Variants in SIPA1L1 observed in about 807,000 individuals in gnomAD.
SIPA1L1 encodes signal-induced proliferation-associated 1-like protein 1.
In SIPA1L1, 26 loss-of-function variants were observed where a neutral mutation model predicts 162.7. The observed-to-expected ratio is 0.16, with a 90% CI of 0.12 to 0.22. SIPA1L1 has a LOEUF of 0.22. SIPA1L1 is among the 10% of genes least tolerant of loss of function. SIPA1L1 has a pLI of 1.00. For missense variants in SIPA1L1, 1,874 were observed against 2,241.0 expected (o/e 0.84, Z 3.31); for synonymous variants, 829 against 837.4 (o/e 0.99, Z 0.17).
intron 4 of SIPA1L1, among the ~76,000 whole-genome samples, chr14:71,552,832 T>C (rs927396657): frequency 1.2e-4 from 18 of 152,156 alleles, no homozygotes; most frequent in African/African-American, 3.9e-4. Context: ...CCTAAGGGAC[T>C]GTCTTTTGGA....
intron 4 of SIPA1L1, among the ~76,000 whole-genome samples, chr14:71,566,656 A>G (rs1414602599): frequency 2.0e-5 from 3 of 152,188 alleles, no homozygotes; most frequent in South Asian, 4.1e-4. Context: ...TAGTGGTGGG[A>G]CAGTATGATA....
chr14:71,364,010 C>T (rs2140908536), intron 2 of SIPA1L1, among the ~76,000 whole-genome samples: 1 of 152,252 alleles, frequency 6.6e-6, no homozygotes, highest in East Asian at 1.9e-4. Flanking sequence ...TCTCAGAAAC[C>T]TTTTACGCTG....
At chr14:71,470,773 C>G (rs943079171) in intron 2 of SIPA1L1, among the ~76,000 whole-genome samples, 6 of 152,064 alleles carry the variant, frequency 3.9e-5, no homozygotes, top group Admixed American at 6.6e-5. Context: ...ATTTCTCCTA[C>G]TCTTCTAATT....
chr14:71,529,846 G>A (rs562646602), intron 4 of SIPA1L1, among the ~76,000 whole-genome samples: 2 of 152,346 alleles, frequency 1.3e-5, no homozygotes, highest in African/African-American at 2.4e-5. Flanking sequence ...TGGCTCCAAT[G>A]TGGGTTTGCC....
intron 10 of SIPA1L1, among the ~76,000 whole-genome samples, chr14:71,663,200 C>T (rs2043693506): frequency 6.6e-6 from 1 of 152,130 alleles, no homozygotes; most frequent in African/African-American, 2.4e-5. Flanking sequence ...TTTATTTACT[C>T]AGTATATCTA....
intron 2 of SIPA1L1, among the ~76,000 whole-genome samples, chr14:71,479,336 G>GTATGTATGTATGTAT (rs2048143546): frequency 6.7e-6 from 1 of 148,218 alleles, no homozygotes; most frequent in East Asian, 2.0e-4. Context: ...TGTGTATGTA[G>GTATGTATGTATGTAT]GTATGTATGT....
At position 71,587,863 on chromosome 14, in the gene SIPA1L1, C is replaced by G; in HGVS notation, c.-10C>G. 1 of 1,594,802 alleles carries G rather than the reference C, an allele frequency of 6.3e-7. No individual in the cohort carries two copies. Among genetic ancestry groups the G allele is most frequent in the Non-Finnish European group, 8.6e-7 (1 of 1,164,738 alleles). ...TGCTGCAGGGATTTAAGTCTACTTG[C>G]TTTTACATCATGACCAGCTTGAAAC... is the stretch of plus-strand genomic sequence containing the variant. On this transcript the variant is annotated 5_prime_UTR_variant, in exon 5 of 24. Transcript: ENST00000381232.
At chr14:71,414,558 A>G (rs550917412) in intron 2 of SIPA1L1, among the ~76,000 whole-genome samples, 2 of 152,376 alleles carry the variant, frequency 1.3e-5, no homozygotes, top group East Asian at 3.9e-4. Context: ...CATTGTTGTC[A>G]TCTTTGCAGA....
At chr14:71,547,906 G>A (rs1001862412) in intron 4 of SIPA1L1, among the ~76,000 whole-genome samples, 6 of 152,072 alleles carry the variant, frequency 3.9e-5, no homozygotes, top group Non-Finnish European at 7.4e-5. Context: ...AGCTGAGCGC[G>A]GGTGGCACAC....
At chr14:71,530,104 G>A (rs2053283961) in intron 4 of SIPA1L1, among the ~76,000 whole-genome samples, 1 of 152,168 alleles carries the variant, frequency 6.6e-6, no homozygotes, top group Non-Finnish European at 1.5e-5. Context: ...GTTTGAGTTA[G>A]GAGCCAAAAC....
chr14:71,561,776 G>A (rs559321468), intron 4 of SIPA1L1, among the ~76,000 whole-genome samples: 3 of 152,016 alleles, frequency 2.0e-5, no homozygotes, highest in Non-Finnish European at 2.9e-5. Context: ...TAGTAGAGAC[G>A]GAGTTTCACC....
In SIPA1L1 at chr14:71,588,753, C is replaced by T; in HGVS notation, c.881C>T (p.Ser294Phe). Reference sequence around the variant, plus strand: ...TCAAAATCTGAAACTGGAGACTCATCTATTTTTCGTAAATTGCGCAATGCC... The same window carrying T: ...TCAAAATCTGAAACTGGAGACTCATTTATTTTTCGTAAATTGCGCAATGCC... ...RRSKSETGDS[S>F]IFRKLRNAKG... The change falls in exon 5 of 24, where the codon TCT becomes TTT. Residue 294 changes from serine (S) to phenylalanine (F), a missense_variant. Around this residue, in one of 5 missense-constraint regions of SIPA1L1, gnomAD observed 685 missense variants for 828.0 expected, o/e 0.83. Coordinates refer to ENST00000381232, the MANE Select transcript of SIPA1L1 (RefSeq NM_001386936.1). This position sits in a 1 kb window ranked among gnomAD's most constrained non-coding sequence, Gnocchi z 4.3. 6.2e-7 allele frequency: 1 copy of T among 1,614,060 alleles called. No individual in the cohort carries two copies. Among genetic ancestry groups the T allele is most frequent in the Non-Finnish European group, 8.5e-7 (1 of 1,179,974 alleles).
At chr14:71,617,233 C>T (rs1014559283) in intron 5 of SIPA1L1, among the ~76,000 whole-genome samples, 2 of 152,208 alleles carry the variant, frequency 1.3e-5, no homozygotes, top group Non-Finnish European at 2.9e-5. Context: ...TGTCTGCATG[C>T]AAGTCTGTAT....
intron 2 of SIPA1L1, chr14:71,413,876 A>G (rs1428301313): frequency 1.3e-5 from 2 of 152,204 alleles, no homozygotes. Flanking sequence ...TTTACTTACT[A>G]TGAGTTATAG....
chr14:71,439,322 CTCT>C (rs2044651272), intron 2 of SIPA1L1, among the ~76,000 whole-genome samples: 1 of 152,190 alleles, frequency 6.6e-6, no homozygotes, highest in Non-Finnish European at 1.5e-5. Context: ...ACTCCTCTCC[CTCT>C]TCTTCACTGC....
chr14:71,709,704 C>T (rs772410433), intron 17 of SIPA1L1, 40 bp downstream of exon 17: 3 of 1,559,510 alleles, frequency 1.9e-6, no homozygotes. Context: ...CAGCCCAGAC[C>T]TAAGCCCAGT....
At position 71,588,770 on chromosome 14, in the gene SIPA1L1, C is replaced by A. The variant is rs781073711; in HGVS notation, c.898C>A (p.Arg300Ser). Residue 300 changes from arginine to serine, a missense_variant, in exon 5 of 24, where the codon CGC becomes AGC. Arg to Ser is a moderately radical substitution (Grantham distance 110, BLOSUM62 -1). Transcript: ENST00000381232. This position sits in a 1 kb window ranked among gnomAD's most constrained non-coding sequence, Gnocchi z 4.3. ...TGDSSIFRKL[R>S]NAKGEELGKS... ...AGACTCATCTATTTTTCGTAAATTG[C>A]GCAATGCCAAAGGTGAAGAACTTGG... 1.2e-6 allele frequency: 2 copies of A among 1,614,008 alleles called. No individual in the cohort carries two copies. Among genetic ancestry groups the A allele is most frequent in the South Asian group, 1.1e-5 (1 of 91,074 alleles).
rs2083974768 is a variant in SIPA1L1, at chr14:71,723,775, C to T, written c.4337C>T (p.Ser1446Phe). The T allele has an allele frequency of 6.2e-7, 1 of 1,614,242 alleles. No individual in the cohort carries two copies. Among genetic ancestry groups the T allele is most frequent in the Non-Finnish European group, 8.5e-7 (1 of 1,180,042 alleles). ...APSFSSSSSSSSGPRSFYPRQ... is the reference protein window; with the variant it reads ...APSFSSSSSSFSGPRSFYPRQ... Reference sequence around the variant, plus strand: ...TCCTTCTCCTCCTCTTCCTCCTCCTCCTCTGGTCCTAGGAGTTTTTACCCT... The same window carrying T: ...TCCTTCTCCTCCTCTTCCTCCTCCTTCTCTGGTCCTAGGAGTTTTTACCCT... Residue 1446 changes from serine to phenylalanine, a missense_variant, in exon 18 of 24, where the codon TCC (serine) becomes TTC (phenylalanine). Physicochemically the swap from Ser to Phe is radical, Grantham distance 155. This residue lies in a region of SIPA1L1 where 936 missense variants were observed against 1,051.9 expected (regional missense o/e 0.89). Transcript: ENST00000381232.
At chr14:71,697,033 G>A (rs2081684884) in intron 13 of SIPA1L1, among the ~76,000 whole-genome samples, 1 of 152,142 alleles carries the variant, frequency 6.6e-6, no homozygotes, top group Non-Finnish European at 1.5e-5. Context: ...ATGAGGATGG[G>A]GTTTGGTCAG....
Sources: gnomAD v4.1 joint callset for allele counts (sites outside exome capture counted in the v4.1 genomes callset) on GRCh38, gnomAD v4.1.1 for gene constraint, gnomAD v4.1.1 regional missense constraint, Gnocchi (gnomAD v3.1) non-coding constraint, MANE v1.5 for transcripts, NCBI Gene and HGNC (gene_info 2026-07-23, HGNC 2026-07-21) for gene names.